FBXL2: variants seen among roughly 807,000 people sequenced by gnomAD.
The protein encoded by FBXL2 is F-box and leucine rich repeat protein 2, also known as F-box/LRR-repeat protein 2.
A neutral mutation model predicts 69.2 loss-of-function variants in FBXL2; 38 were observed. The observed-to-expected ratio is 0.55, with a 90% CI of 0.42 to 0.72. The LOEUF is 0.72. Among genes scored for constraint, FBXL2 ranks in the 30% least tolerant of loss-of-function variants. The pLI, the probability that FBXL2 is intolerant of heterozygous loss-of-function variation, is 0.00. For synonymous variants in FBXL2, 192 were observed against 201.3 expected, an observed-to-expected ratio of 0.95 and a Z score of 0.39; for missense variants, 354 against 520.3, an observed-to-expected ratio of 0.68 and a Z score of 3.11.
chr3:33,400,902 CA>C (rs1248189469), intron 12 of FBXL2: 51 of 1,536,578 alleles, frequency 3.3e-5, no homozygotes, highest in Non-Finnish European at 4.4e-5. Flanking sequence ...GCACAAAAAC[CA>C]AAACTTTAAA....
At chr3:33,349,556 G>A (rs753517443) in intron 2 of FBXL2, among the ~76,000 whole-genome samples, 1 of 152,138 alleles carries the variant, frequency 6.6e-6, no homozygotes, top group Non-Finnish European at 1.5e-5. Context: ...ATGTTGGCCT[G>A]TAGTTTTCTA....
intron 1 of FBXL2, among the ~76,000 whole-genome samples, chr3:33,282,867 G>A (rs1363848807): frequency 6.6e-6 from 1 of 152,070 alleles, no homozygotes; most frequent in Non-Finnish European, 1.5e-5. Flanking sequence ...TTGGTATATA[G>A]GAATGCTTGT....
chr3:33,329,677 A>G (rs1247968978), intron 2 of FBXL2, among the ~76,000 whole-genome samples: 2 of 152,232 alleles, frequency 1.3e-5, no homozygotes, highest in Admixed American at 6.5e-5. Flanking sequence ...CAAATATTGC[A>G]TGTTCTCACT....
chr3:33,416,858 AAAAC>A, the FBXL2 span: 1 of 1,579,090 alleles, frequency 6.3e-7, no homozygotes, highest in Non-Finnish European at 8.7e-7. Context: ...TTGTGTATAA[AAAAC>A]AATCCTTATA....
chr3:33,392,697 T>C (rs1575444403), downstream of FBXL2: 1 of 1,344,918 alleles, frequency 7.4e-7, no homozygotes, highest in African/African-American at 1.5e-5. Context: ...TAAATATTCT[T>C]CTCAAACAAA....
intron 1 of FBXL2, among the ~76,000 whole-genome samples, chr3:33,278,839 C>G (rs867011030): frequency 6.6e-6 from 1 of 152,124 alleles, no homozygotes; most frequent in Non-Finnish European, 1.5e-5. Context: ...ATAAGTGTTT[C>G]AAATATTGCA....
chr3:33,422,192 T>G, the FBXL2 span, among the ~76,000 whole-genome samples: 8 of 152,332 alleles, frequency 5.3e-5, no homozygotes, highest in South Asian at 1.7e-3. Context: ...GGGTGAAAGA[T>G]ACTCAGAAAT....
intron 1 of FBXL2, among the ~76,000 whole-genome samples, chr3:33,283,509 C>T (rs1344987629): frequency 6.6e-6 from 1 of 152,018 alleles, no homozygotes; most frequent in Non-Finnish European, 1.5e-5. Context: ...CTAAAATTCT[C>T]TTTTTTTGTT....
intron 2 of FBXL2, chr3:33,297,949 C>CT (rs2035891548): frequency 3.5e-6 from 2 of 575,186 alleles, no homozygotes; most frequent in Non-Finnish European, 6.4e-6. Flanking sequence ...GGTCTGGATT[C>CT]TTTTTGTAAT....
At chr3:33,399,749 T>A (rs1288401543) in intron 12 of FBXL2, among the ~76,000 whole-genome samples, 1 of 152,170 alleles carries the variant, frequency 6.6e-6, no homozygotes, top group Admixed American at 6.5e-5. Flanking sequence ...GTTACAAATA[T>A]CTATACCATA....
intron 12 of FBXL2, chr3:33,393,094 GGGGA>G: frequency 2.0e-6 from 1 of 497,034 alleles, no homozygotes; most frequent in Non-Finnish European, 3.4e-6. Context: ...AAAGGGCTGG[GGGGA>G]GGCTAAGCCA....
At chr3:33,351,499 A>G (rs1217266990) in intron 2 of FBXL2, among the ~76,000 whole-genome samples, 13 of 152,198 alleles carry the variant, frequency 8.5e-5, no homozygotes, top group African/African-American at 2.9e-4. Context: ...ACAAAACTCC[A>G]GTATTCCAGT....
At chr3:33,369,195 G>A (rs2042139336) in intron 5 of FBXL2, among the ~76,000 whole-genome samples, 1 of 151,946 alleles carries the variant, frequency 6.6e-6, no homozygotes, top group Admixed American at 6.6e-5. Context: ...GGGACTACAG[G>A]CATGGGCCAC....
intron 1 of FBXL2, among the ~76,000 whole-genome samples, chr3:33,283,801 A>T (rs1266595671): frequency 6.6e-6 from 1 of 152,126 alleles, no homozygotes; most frequent in African/African-American, 2.4e-5. Context: ...CCAGGAATTT[A>T]TCCATTTCTT....
At chr3:33,349,783 A>G (rs186526503) in intron 2 of FBXL2, among the ~76,000 whole-genome samples, 1 of 152,286 alleles carries the variant, frequency 6.6e-6, no homozygotes, top group East Asian at 1.9e-4. Flanking sequence ...CATGTTCACA[A>G]ATTTGATAAC....
intron 5 of FBXL2, among the ~76,000 whole-genome samples, chr3:33,366,283 T>C (rs1259829564): frequency 6.6e-6 from 1 of 152,220 alleles, no homozygotes; most frequent in Non-Finnish European, 1.5e-5. Flanking sequence ...TATTGTCTTA[T>C]GATTTTATTT....
At chr3:33,356,914 C>T (rs1385649050) in intron 2 of FBXL2, among the ~76,000 whole-genome samples, 1 of 152,126 alleles carries the variant, frequency 6.6e-6, no homozygotes, top group Non-Finnish European at 1.5e-5. Context: ...TAGCCCAATC[C>T]TGAGGGAAAA....
rs138839240 is a variant in FBXL2 at position 33,359,255 on chromosome 3, C to G, written c.121-28C>G. 2,813 of 1,584,414 alleles carry G rather than the reference C, an allele frequency of 1.8e-3. 2 individuals are homozygous for G. The highest frequency in any genetic ancestry group is 2.3e-3 in the Admixed American group (135 of 58,154). ...ATAAATGTGTTTCTTTCATCCCAATCCCTCTTCCTTTACCTCCCACCTTCC... is the reference window on the plus strand; with the variant it reads ...ATAAATGTGTTTCTTTCATCCCAATGCCTCTTCCTTTACCTCCCACCTTCC... On this transcript the variant is annotated intron_variant, in intron 3 of 14. Transcript: ENST00000484457.
In FBXL2 at chr3:33,385,568, G is replaced by A. The variant is rs780334583; in HGVS notation, c.1232G>A (p.Gly411Glu). The part of the protein sequence containing the change: ...APVTPPTAVA[G>E]SGQRLCRCCV... ...GTCACCCCACCGACAGCAGTGGCAG[G>A]AAGTGGACAGCGACTGTGCAGGTGC... The change falls in exon 15 of 15, where the codon GGA becomes GAA. Residue 411 changes from glycine (G) to glutamate (E), a missense_variant. Gly to Glu is a moderately conservative substitution (Grantham distance 98). Coordinates refer to ENST00000484457, the MANE Select transcript of FBXL2 (RefSeq NM_012157.5). 290 of 1,613,976 alleles carry A rather than the reference G, an allele frequency of 1.8e-4. No homozygotes were observed. The highest frequency in any genetic ancestry group is 2.3e-4 in the Non-Finnish European group (274 of 1,180,026).
Sources: gnomAD v4.1 joint callset for allele counts (sites outside exome capture counted in the v4.1 genomes callset) on GRCh38, gnomAD v4.1.1 for gene constraint, MANE v1.5 for transcripts, NCBI Gene and HGNC (gene_info 2026-07-23, HGNC 2026-07-21) for gene names.